The following BLTP1 variants were observed in gnomAD, a reference collection of about 807,000 sequenced individuals.
The protein encoded by BLTP1 is bridge-like lipid transfer protein family member 1, also known as fragile site-associated protein.
At chr4:122,269,098 A>G in the BLTP1 span, 3 of 963,122 alleles carry the variant, frequency 3.1e-6, no homozygotes, top group Non-Finnish European at 3.7e-6. Context: ...CTCTAGGGTT[A>G]AAATATCTGA....
the BLTP1 span, chr4:122,192,190 T>G: frequency 6.3e-7 from 1 of 1,595,168 alleles, no homozygotes. Context: ...AATGGCCATT[T>G]TAAATAACTG....
the BLTP1 span, chr4:122,331,259 G>A: frequency 6.6e-7 from 1 of 1,505,788 alleles, no homozygotes. Flanking sequence ...ATAACATGTT[G>A]GAAAATAGTT....
the BLTP1 span, chr4:122,328,569 T>G: frequency 1.3e-6 from 1 of 790,960 alleles, no homozygotes; most frequent in Non-Finnish European, 1.5e-6. Context: ...TTTTTAAATT[T>G]AAATTTTTTT....
chr4:122,222,842 G>A, the BLTP1 span: 1 of 223,522 alleles, frequency 4.5e-6, no homozygotes, highest in Non-Finnish European at 7.5e-6. Flanking sequence ...CTTCAGACTT[G>A]AACATATATT....
the BLTP1 span, chr4:122,190,504 A>C: frequency 1.2e-6 from 1 of 849,062 alleles, no homozygotes; most frequent in Non-Finnish European, 1.4e-6. Context: ...GGAAATGGTA[A>C]ATGTAGATAA....
chr4:122,175,788 A>G, the BLTP1 span: 1 of 1,148,836 alleles, frequency 8.7e-7, no homozygotes, highest in African/African-American at 1.6e-5. Flanking sequence ...TTTTGGAATA[A>G]CTAAGAAATG....
chr4:122,200,607 A>T, the BLTP1 span: 2 of 983,768 alleles, frequency 2.0e-6, no homozygotes, highest in Non-Finnish European at 2.4e-6. Flanking sequence ...AAAAAATGCC[A>T]AACTGCAGAA....
At chr4:122,300,725 T>C in the BLTP1 span, among the ~76,000 whole-genome samples, 2 of 152,164 alleles carry the variant, frequency 1.3e-5, no homozygotes, top group African/African-American at 4.8e-5. Context: ...AAGAAAACAT[T>C]CCATCCCACC....
chr4:122,286,628 C>A, the BLTP1 span: 1 of 1,613,962 alleles, frequency 6.2e-7, no homozygotes, highest in South Asian at 1.1e-5. Context: ...TCAACCATTC[C>A]TCCTTCTGCC....
At chr4:122,345,204 G>T in the BLTP1 span, among the ~76,000 whole-genome samples, 2 of 152,184 alleles carry the variant, frequency 1.3e-5, no homozygotes, top group Admixed American at 1.3e-4. Flanking sequence ...AGGGGAGCAG[G>T]CATGAATAAG....
chr4:122,349,535 G>A, the BLTP1 span: 1 of 1,612,186 alleles, frequency 6.2e-7, no homozygotes, highest in Non-Finnish European at 8.5e-7. The surrounding 1 kb of genome is among the most constrained non-coding windows in gnomAD (Gnocchi z 4.5). Context: ...TTGATTACAT[G>A]GGCTCAAGTA....
the BLTP1 span, chr4:122,362,245 TA>T: frequency 6.2e-7 from 1 of 1,609,702 alleles, no homozygotes; most frequent in Admixed American, 1.7e-5. Flanking sequence ...AGAAGAACAC[TA>T]AAAAAGTAAT....
the BLTP1 span, chr4:122,289,702 A>C: frequency 1.1e-6 from 1 of 951,588 alleles, no homozygotes; most frequent in Non-Finnish European, 1.3e-6. Context: ...ACTGTATAAC[A>C]GTTCTTAATG....
At chr4:122,249,154 T>G in the BLTP1 span, 1 of 715,078 alleles carries the variant, frequency 1.4e-6, no homozygotes, top group African/African-American at 1.9e-5. Flanking sequence ...AATTTTTTTT[T>G]TATTTTGTGA....
At chr4:122,254,489 A>G in the BLTP1 span, 1 of 1,315,570 alleles carries the variant, frequency 7.6e-7, no homozygotes, top group Non-Finnish European at 1.0e-6. Flanking sequence ...CTTACTTCAT[A>G]TGTTCTGTAG....
the BLTP1 span, chr4:122,343,788 G>C: frequency 7.2e-6 from 3 of 416,416 alleles, no homozygotes; most frequent in Non-Finnish European, 9.7e-6. Context: ...AGTAATTCAG[G>C]TGAATTAATT....
chr4:122,222,492 A>G, the BLTP1 span, among the ~76,000 whole-genome samples: 9 of 152,196 alleles, frequency 5.9e-5, no homozygotes, highest in African/African-American at 1.9e-4. Flanking sequence ...TAGGTGACAT[A>G]AAAGAACAGA....
At chr4:122,185,868 CT>C in the BLTP1 span, 3 of 238,650 alleles carry the variant, frequency 1.3e-5, no homozygotes, top group African/African-American at 4.7e-5. Context: ...CAAGTTTTTT[CT>C]TTTTTTGGCC....
At chr4:122,160,138 C>G in the BLTP1 span, among the ~76,000 whole-genome samples, 29 of 152,262 alleles carry the variant, frequency 1.9e-4, no homozygotes, top group Non-Finnish European at 2.1e-4. Context: ...GTATTTGTCG[C>G]CCATCTCTTT....
Sources: gnomAD v4.1 joint callset for allele counts (sites outside exome capture counted in the v4.1 genomes callset) on GRCh38, gnomAD v4.1.1 for gene constraint, Gnocchi (gnomAD v3.1) non-coding constraint, MANE v1.5 for transcripts, NCBI Gene and HGNC (gene_info 2026-07-23, HGNC 2026-07-21) for gene names.